Variants in PPARGC1A observed in about 807,000 individuals in gnomAD.
PPARGC1A encodes peroxisome proliferator-activated receptor gamma coactivator 1-alpha.
In PPARGC1A, 25 loss-of-function variants were observed where a neutral mutation model predicts 88.7. The ratio of observed to expected loss-of-function variants is 0.28; its 90% confidence interval spans 0.21 to 0.39. PPARGC1A has a LOEUF of 0.39. Among genes scored for constraint, PPARGC1A ranks in the 10% least tolerant of loss-of-function variants. The pLI is 1.00. For synonymous variants in PPARGC1A, 363 were observed against 355.6 expected, an observed-to-expected ratio of 1.02 and a Z score of -0.24; for missense variants, 880 against 968.7, an observed-to-expected ratio of 0.91 and a Z score of 1.22.
intron 2 of PPARGC1A, among the ~76,000 whole-genome samples, chr4:23,844,279 A>G (rs1429716643): frequency 6.9e-6 from 1 of 144,134 alleles, no homozygotes; most frequent in Non-Finnish European, 1.5e-5. Flanking sequence ...AATACAACTA[A>G]TGACACAAGG....
the PPARGC1A span, among the ~76,000 whole-genome samples, chr4:24,241,958 T>C: frequency 7.9e-5 from 12 of 152,294 alleles, no homozygotes; most frequent in South Asian, 2.5e-3. Flanking sequence ...TACAGATTCA[T>C]GTTAACATTA....
chr4:24,362,206 A>G, the PPARGC1A span, among the ~76,000 whole-genome samples: 17 of 152,270 alleles, frequency 1.1e-4, no homozygotes, highest in African/African-American at 3.6e-4. Context: ...ACAGGCTGTG[A>G]TCATCTTCCT....
At chr4:24,286,240 C>G in the PPARGC1A span, among the ~76,000 whole-genome samples, 1 of 152,078 alleles carries the variant, frequency 6.6e-6, no homozygotes, top group South Asian at 2.1e-4. Flanking sequence ...GCTATTGCTA[C>G]CGAGGGAAAG....
At chr4:24,259,645 C>A in the PPARGC1A span, among the ~76,000 whole-genome samples, 1 of 152,144 alleles carries the variant, frequency 6.6e-6, no homozygotes, top group African/African-American at 2.4e-5. Flanking sequence ...AGGTTTGTAA[C>A]CTGGGAGCAA....
At chr4:24,166,665 G>A in the PPARGC1A span, among the ~76,000 whole-genome samples, 2 of 152,140 alleles carry the variant, frequency 1.3e-5, no homozygotes, top group East Asian at 1.9e-4. Context: ...GATAATGAGG[G>A]CCCTTAAGAA....
At chr4:23,795,999 T>C in intron 12 of PPARGC1A, 74 bp from the exon 13 acceptor site, 2 of 1,030,098 alleles carry the variant, frequency 1.9e-6, no homozygotes, top group East Asian at 4.8e-5. Context: ...CAATTCAAGA[T>C]TACTGGATTC....
In PPARGC1A at chr4:23,833,828, G is replaced by C. The variant is rs1436079477; in HGVS notation, c.235-2077C>G. On this transcript the variant is annotated intron_variant, in intron 2 of 12. Transcript: ENST00000264867. ...CATAATGCATCCCTCTCACGTCCCTGGATTTGAGTTTGGGTGCAACATGGT... is the reference window on the plus strand; with the variant it reads ...CATAATGCATCCCTCTCACGTCCCTCGATTTGAGTTTGGGTGCAACATGGT... Among the ~76,000 whole-genome samples, 5 of 152,270 alleles carry C rather than the reference G, an allele frequency of 3.3e-5. No homozygotes were observed. In the East Asian group the frequency reaches 9.7e-4, roughly 29 times the overall value.
At chr4:23,835,466 TTGTGTGTGTGTG>T (rs145407468) in intron 2 of PPARGC1A, among the ~76,000 whole-genome samples, 29 of 135,368 alleles carry the variant, frequency 2.1e-4, no homozygotes, top group African/African-American at 4.0e-4. Flanking sequence ...GCATGGCGGC[TTGTGTGTGTGTG>T]TGTGTGTGTG....
At chr4:24,080,164 T>C in the PPARGC1A span, among the ~76,000 whole-genome samples, 1 of 152,150 alleles carries the variant, frequency 6.6e-6, no homozygotes, top group East Asian at 1.9e-4. Context: ...AGGGGATTCA[T>C]TTTTCCTTTT....
chr4:24,422,415 C>T, the PPARGC1A span, among the ~76,000 whole-genome samples: 1 of 152,176 alleles, frequency 6.6e-6, no homozygotes, highest in Non-Finnish European at 1.5e-5. Flanking sequence ...CTAAAGCTGA[C>T]AGGGGCCTCC....
chr4:24,233,213 T>C, the PPARGC1A span, among the ~76,000 whole-genome samples: 1 of 152,162 alleles, frequency 6.6e-6, no homozygotes, highest in African/African-American at 2.4e-5. Flanking sequence ...CCTCCACAAT[T>C]TAAAACAAAG....
chr4:24,357,057 C>G, the PPARGC1A span, among the ~76,000 whole-genome samples: 1 of 152,160 alleles, frequency 6.6e-6, no homozygotes, highest in Non-Finnish European at 1.5e-5. Context: ...AGCTTCTTCT[C>G]TTGTATGGGA....
chr4:24,007,636 G>C, the PPARGC1A span, among the ~76,000 whole-genome samples: 2 of 152,262 alleles, frequency 1.3e-5, no homozygotes, highest in African/African-American at 4.8e-5. Flanking sequence ...GTATAGCTTT[G>C]AGAAGGCCAC....
the PPARGC1A span, among the ~76,000 whole-genome samples, chr4:24,234,032 A>C: frequency 6.6e-6 from 1 of 152,202 alleles, no homozygotes; most frequent in Non-Finnish European, 1.5e-5. Flanking sequence ...AAACCAATAC[A>C]ATAACGCCAG....
chr4:24,336,466 AAG>A, the PPARGC1A span, among the ~76,000 whole-genome samples: 1 of 152,234 alleles, frequency 6.6e-6, no homozygotes, highest in Non-Finnish European at 1.5e-5. Flanking sequence ...GAAAAATATA[AAG>A]AGAGTAATCA....
At chr4:24,211,204 A>C in the PPARGC1A span, among the ~76,000 whole-genome samples, 1 of 152,166 alleles carries the variant, frequency 6.6e-6, no homozygotes, top group Admixed American at 6.5e-5. Context: ...TAGATGAAAA[A>C]ATATTATCAT....
chr4:23,824,252 C>A (rs1280456238), intron 7 of PPARGC1A, 28 bp downstream of exon 7: 5 of 1,580,066 alleles, frequency 3.2e-6, no homozygotes, highest in Non-Finnish European at 4.3e-6. Flanking sequence ...CAGACACACA[C>A]AAGTTCTAAG....
the PPARGC1A span, among the ~76,000 whole-genome samples, chr4:24,370,830 G>C: frequency 3.0e-3 from 410 of 134,952 alleles, 17 homozygotes; most frequent in East Asian, 0.072. Flanking sequence ...TTGTTACACA[G>C]GTATACATGC....
chr4:24,040,150 C>A, the PPARGC1A span, among the ~76,000 whole-genome samples: 1 of 152,304 alleles, frequency 6.6e-6, no homozygotes, highest in Non-Finnish European at 1.5e-5. Context: ...ATTTCCTGGG[C>A]TACACACTGA....
Sources: allele counts gnomAD v4.1 joint callset (sites outside exome capture counted in the v4.1 genomes callset), GRCh38; gene constraint gnomAD v4.1.1; transcripts MANE v1.5; gene names NCBI Gene and HGNC (gene_info 2026-07-23, HGNC 2026-07-21).